The following HS3ST5 variants were observed in gnomAD, a reference collection of about 807,000 sequenced individuals.
HS3ST5 encodes heparan sulfate-glucosamine 3-sulfotransferase 5, also known as heparan sulfate glucosamine 3-O-sulfotransferase 5.
HS3ST5 carries 10 observed loss-of-function variants against 25.4 expected under a neutral mutation model. The observed-to-expected ratio is 0.39, with a 90% CI of 0.24 to 0.67. The LOEUF (loss-of-function observed/expected upper bound fraction) is 0.67. Ranked by LOEUF, HS3ST5 falls within the 30% of genes least tolerant of loss-of-function variation. The pLI, the probability that HS3ST5 is intolerant of heterozygous loss-of-function variation, is 0.44. For synonymous variants in HS3ST5, 170 were observed against 162.4 expected, an observed-to-expected ratio of 1.05 and a Z score of -0.36; for missense variants, 324 against 420.7, an observed-to-expected ratio of 0.77 and a Z score of 2.01.
chr6:114,305,328 G>C (rs1238758266), intron 1 of HS3ST5, among the ~76,000 whole-genome samples: 1 of 152,048 alleles, frequency 6.6e-6, no homozygotes, highest in Non-Finnish European at 1.5e-5. Flanking sequence ...AAGCTTTCAA[G>C]TAAAAGTTCA....
At chr6:114,250,497 C>T (rs1367004433) in intron 1 of HS3ST5, among the ~76,000 whole-genome samples, 4 of 151,352 alleles carry the variant, frequency 2.6e-5, no homozygotes, top group African/African-American at 7.3e-5. Flanking sequence ...AGGAGAATGG[C>T]GTGAACCTGG....
At chr6:114,321,741 T>C (rs1215767075) in intron 1 of HS3ST5, among the ~76,000 whole-genome samples, 6 of 152,114 alleles carry the variant, frequency 3.9e-5, no homozygotes, top group Non-Finnish European at 8.8e-5. Flanking sequence ...AATATGCATG[T>C]CAATGTATCT....
chr6:114,189,935 G>A (rs1190686330), intron 2 of HS3ST5, among the ~76,000 whole-genome samples: 1 of 152,100 alleles, frequency 6.6e-6, no homozygotes, highest in African/African-American at 2.4e-5. Flanking sequence ...AGTATCCTTA[G>A]GTTTTTCATT....
chr6:114,210,380 C>T (rs971395671), intron 2 of HS3ST5, among the ~76,000 whole-genome samples: 31 of 152,096 alleles, frequency 2.0e-4, no homozygotes, highest in African/African-American at 7.0e-4. Flanking sequence ...CTTATTTTAG[C>T]TATTGTAGCA....
intron 1 of HS3ST5, among the ~76,000 whole-genome samples, chr6:114,237,516 G>A (rs576730638): frequency 6.6e-6 from 1 of 151,970 alleles, no homozygotes; most frequent in Non-Finnish European, 1.5e-5. Flanking sequence ...ACTATACCTG[G>A]GTGTAAAGAA....
intron 1 of HS3ST5, among the ~76,000 whole-genome samples, chr6:114,255,490 C>T (rs1209687738): frequency 3.3e-5 from 5 of 152,204 alleles, no homozygotes; most frequent in Non-Finnish European, 7.3e-5. Context: ...CACAGCTCCA[C>T]TAGGCAGTGC....
intron 3 of HS3ST5, among the ~76,000 whole-genome samples, chr6:114,139,676 A>C (rs2114930012): frequency 6.6e-6 from 1 of 152,232 alleles, no homozygotes; most frequent in East Asian, 1.9e-4. Context: ...TAGAACTTGG[A>C]CCTGTCATAG....
intron 3 of HS3ST5, among the ~76,000 whole-genome samples, chr6:114,158,045 C>T (rs62415767): frequency 0.08 from 12,192 of 152,220 alleles, 572 homozygotes; most frequent in African/African-American, 0.12. Context: ...GGAAACCTTC[C>T]TGAAGTGAAG....
chr6:114,171,218 G>A (rs1203263462), intron 2 of HS3ST5, among the ~76,000 whole-genome samples: 1 of 152,262 alleles, frequency 6.6e-6, no homozygotes, highest in East Asian at 1.9e-4. Flanking sequence ...AGAAACCACT[G>A]CTTTTAGCAA....
At chr6:114,301,944 T>A (rs184205158) in intron 1 of HS3ST5, among the ~76,000 whole-genome samples, 1 of 152,340 alleles carries the variant, frequency 6.6e-6, no homozygotes, top group East Asian at 1.9e-4. Context: ...TGATTTTCAG[T>A]GTTAAAACTG....
intron 3 of HS3ST5, among the ~76,000 whole-genome samples, chr6:114,087,880 C>T (rs550565458): frequency 1.3e-5 from 2 of 152,260 alleles, no homozygotes; most frequent in African/African-American, 4.8e-5. Flanking sequence ...GTTGCTTTTA[C>T]TAAACAACTC....
chr6:114,075,347 T>C (rs775385019), intron 3 of HS3ST5, among the ~76,000 whole-genome samples: 5 of 152,194 alleles, frequency 3.3e-5, no homozygotes, highest in Non-Finnish European at 5.9e-5. Flanking sequence ...AAAATCCACC[T>C]TGAAGAGTCC....
At chr6:114,144,615 T>C (rs1256640665) in intron 3 of HS3ST5, among the ~76,000 whole-genome samples, 1 of 152,142 alleles carries the variant, frequency 6.6e-6, no homozygotes, top group Non-Finnish European at 1.5e-5. Context: ...ACATGGAAAC[T>C]GGAGGTAGCA....
intron 3 of HS3ST5, among the ~76,000 whole-genome samples, chr6:114,161,546 T>TATAC (rs1778961374): frequency 1.2e-5 from 1 of 84,102 alleles, no homozygotes; most frequent in African/African-American, 4.0e-5. Flanking sequence ...TATATATATA[T>TATAC]ATATATATAT....
At chr6:114,173,850 C>T (rs982723914) in intron 2 of HS3ST5, among the ~76,000 whole-genome samples, 2 of 152,122 alleles carry the variant, frequency 1.3e-5, no homozygotes, top group African/African-American at 4.8e-5. Flanking sequence ...CAGAGCAAGA[C>T]TCCATCTCAA....
rs569419027 is a variant in HS3ST5, at chr6:114,079,066, C to G, written c.-32-16189G>C. 1.4e-4 allele frequency among the ~76,000 whole-genome samples: 22 copies of G among 152,258 alleles called. No individual in the cohort carries two copies. The South Asian group carries it at 4.4e-3, about 30-fold the overall frequency. On this transcript the variant is annotated intron_variant, in intron 3 of 4. Transcript: ENST00000312719. ...AAATGCTAATGATCAGCTGGGCCTT[C>G]GGTGAGTTGTAATCTTTTTGTTGAT...
At chr6:114,081,523 T>C (rs1562188613) in intron 3 of HS3ST5, among the ~76,000 whole-genome samples, 1 of 152,190 alleles carries the variant, frequency 6.6e-6, no homozygotes, top group Non-Finnish European at 1.5e-5. Flanking sequence ...TTAATAGTCT[T>C]ACTCTCTCTG....
intron 3 of HS3ST5, among the ~76,000 whole-genome samples, chr6:114,121,047 A>G (rs991694510): frequency 7.2e-5 from 11 of 152,248 alleles, no homozygotes; most frequent in African/African-American, 1.4e-4. Flanking sequence ...TTGCTTCCCT[A>G]TGAGCATTGA....
chr6:114,280,801 T>G (rs1485991288), intron 1 of HS3ST5, among the ~76,000 whole-genome samples: 1 of 151,940 alleles, frequency 6.6e-6, no homozygotes, highest in African/African-American at 2.4e-5. Flanking sequence ...AAAACCAAAG[T>G]AGGGCGCCTT....
Sources: gnomAD v4.1 joint callset for allele counts (sites outside exome capture counted in the v4.1 genomes callset) on GRCh38, gnomAD v4.1.1 for gene constraint, MANE v1.5 for transcripts, NCBI Gene and HGNC (gene_info 2026-07-23, HGNC 2026-07-21) for gene names.